The following SIRT6 variants were observed in gnomAD, a reference collection of about 807,000 sequenced individuals.
SIRT6 encodes the protein NAD-dependent protein deacylase sirtuin-6.
Under a neutral mutation model 33.6 loss-of-function variants are expected in SIRT6, and 21 were observed. The observed-to-expected ratio is 0.62, with a 90% confidence interval of 0.44 to 0.90. The LOEUF is 0.90. Among genes scored for constraint, SIRT6 ranks in the 40% least tolerant of loss-of-function variants. The pLI, the probability that SIRT6 is intolerant of heterozygous loss-of-function variation, is 0.00. For synonymous variants in SIRT6, 221 were observed against 223.9 expected (o/e 0.99, Z 0.12); for missense variants, 504 against 510.6 (o/e 0.99, Z 0.12).
chr19:4,177,934 G>T (rs914678614), intron 3 of SIRT6, among the ~76,000 whole-genome samples: 3 of 151,574 alleles, frequency 2.0e-5, no homozygotes, highest in Non-Finnish European at 4.4e-5. Flanking sequence ...CCATGTGGCC[G>T]GGATGGTCTC....
chr19:4,174,672 C>T lies in SIRT6; in HGVS notation c.1013G>A (p.Ser338Asn). The change falls in exon 8 of 8, where the codon AGC (serine) becomes AAC (asparagine). Residue 338 changes from serine to asparagine, a missense_variant. Transcript: ENST00000337491. This position sits in a 1 kb window ranked among gnomAD's most constrained non-coding sequence, Gnocchi z 4.2. Reference sequence around the variant, plus strand: ...TTTGGGGGGTCTGTGGGGGGCAGGGCTGGTGGGCCGCTCCCGTTTGGGGCT... The same window carrying T: ...TTTGGGGGGTCTGTGGGGGGCAGGGTTGGTGGGCCGCTCCCGTTTGGGGCT... ...PASPKRERPT[S>N]PAPHRPPKRV... 1 of 1,459,710 alleles carries T rather than the reference C, an allele frequency of 6.9e-7. No individual in the cohort carries two copies. Among genetic ancestry groups the T allele is most frequent in the Non-Finnish European group, 9.1e-7 (1 of 1,104,150 alleles). The allele number at this position is 1,459,710 out of a possible 1,614,324, so 90.4% of individuals were successfully genotyped here.
chr19:4,178,999 G>A, intron 3 of SIRT6, 105 bp downstream of exon 3: 2 of 1,416,562 alleles, frequency 1.4e-6, no homozygotes, highest in South Asian at 1.3e-5. Context: ...AAGAACTCAG[G>A]GCTAGAATCT....
intron 2 of SIRT6, among the ~76,000 whole-genome samples, chr19:4,179,988 G>C (rs1396523745): frequency 6.6e-6 from 1 of 151,990 alleles, no homozygotes; most frequent in Non-Finnish European, 1.5e-5. Flanking sequence ...GGGGCAGGAA[G>C]GGCTTCAGCT....
At chr19:4,182,365 T>G in intron 1 of SIRT6, 109 bp downstream of exon 1, 27 of 1,111,836 alleles carry the variant, frequency 2.4e-5, no homozygotes, top group East Asian at 5.9e-5. Context: ...GTCCCTCCCA[T>G]TGTCTAGCCT....
rs1599359351 is a variant in SIRT6 at position 4,176,059 on chromosome 19, C to G, written c.438-122G>C. Reference sequence around the variant, plus strand: ...GGTGGACAGGTGACCAGAACTAGCACCCAGCGACACGGAACGAGTAGCCTT... The same window carrying G: ...GGTGGACAGGTGACCAGAACTAGCAGCCAGCGACACGGAACGAGTAGCCTT... On this transcript the variant is annotated intron_variant, in intron 4 of 7. Transcript: ENST00000337491. The G allele has an allele frequency of 3.2e-5, 24 of 742,046 alleles. No individual in the cohort carries two copies. In the South Asian group the frequency reaches 4.2e-4, roughly 13 times the overall value. The allele number at this position is 742,046 out of a possible 1,614,324, so 46.0% of individuals were successfully genotyped here. A position where few individuals can be genotyped will look rare whatever the true frequency, so the allele number is the denominator to read the frequency against.
chr19:4,177,598 T>C (rs1368676859), intron 3 of SIRT6, among the ~76,000 whole-genome samples: 3 of 152,172 alleles, frequency 2.0e-5, no homozygotes, highest in Non-Finnish European at 2.9e-5. Flanking sequence ...TTTGCTCTTG[T>C]TGCCCAGGTT....
intron 1 of SIRT6, chr19:4,182,182 A>G (rs886967131): frequency 1.7e-5 from 7 of 410,346 alleles, no homozygotes; most frequent in Admixed American, 4.5e-5. Context: ...TCCCAGGCCT[A>G]ATCGTTCTCC....
intron 2 of SIRT6, among the ~76,000 whole-genome samples, chr19:4,180,094 T>A (rs909709431): frequency 2.3e-3 from 15 of 6,628 alleles, no homozygotes; most frequent in Non-Finnish European, 4.5e-3. Flanking sequence ...ACGCCTTGGC[T>A]TTTTTTTTTT....
intron 3 of SIRT6, among the ~76,000 whole-genome samples, chr19:4,178,305 G>A (rs1225389317): frequency 6.6e-6 from 1 of 152,014 alleles, no homozygotes; most frequent in African/African-American, 2.4e-5. Context: ...GATTACAGAT[G>A]TGAGCCACCA....
intron 3 of SIRT6, 22 bp downstream of exon 3, chr19:4,179,082 G>T: frequency 6.2e-7 from 1 of 1,609,346 alleles, no homozygotes; most frequent in Non-Finnish European, 8.5e-7. Context: ...GCTCTTTTGT[G>T]GGGGCGGGGC....
chr19:4,175,873 C>CG lies in SIRT6; in HGVS notation c.501dup (p.Val168ArgfsTer3), dbSNP rs1967271237. 6.4e-7 allele frequency: 1 copy of CG among 1,566,070 alleles called. No individual in the cohort carries two copies. The highest frequency in any genetic ancestry group is 2.4e-5 in the East Asian group (1 of 42,458). On this transcript the variant is annotated frameshift_variant, in exon 5 of 8. Coordinates refer to ENST00000337491, the MANE Select transcript of SIRT6 (RefSeq NM_016539.4). LOFTEE classifies it high-confidence loss of function. ...GCTCGCAGCCCCCTTGCCTTAGCCA[C>CG]GGTGCAGAGCCGGCCCGTGGCCTTC... is the stretch of plus-strand genomic sequence containing the variant.
intron 2 of SIRT6, chr19:4,179,576 T>G (rs551219908): frequency 2.2e-5 from 10 of 450,076 alleles, no homozygotes; most frequent in East Asian, 7.7e-5. Flanking sequence ...GAGAGAGAGA[T>G]GAATTCACAC....
rs188775798 is a variant in SIRT6 at position 4,174,559 on chromosome 19, C to T, written c.*58G>A. The T allele has an allele frequency of 5.1e-5, 70 of 1,362,846 alleles. No individual in the cohort carries two copies. Among genetic ancestry groups the T allele is most frequent in the Non-Finnish European group, 5.9e-5 (61 of 1,037,660 alleles). The allele number at this position is 1,362,846 out of a possible 1,614,324, so 84.4% of individuals were successfully genotyped here. A position where few individuals can be genotyped will look rare whatever the true frequency, so the allele number is the denominator to read the frequency against. ...AGAAACAAGTAACAAAGTGAGACCA[C>T]GAGAGAAAAAGAATCCACAGTTTCT... On this transcript the variant is annotated 3_prime_UTR_variant, in exon 8 of 8. Transcript: ENST00000337491. This position sits in a 1 kb window ranked among gnomAD's most constrained non-coding sequence, Gnocchi z 4.2.
Position 4,174,258 on chromosome 19 carries a change from G to A in SIRT6, c.*359C>T. ...CCTCCTGCAGGGCCCATGGAGGAGG[G>A]GTAGGGTGGGCTGTAGGGGGCCCAG... On this transcript the variant is annotated 3_prime_UTR_variant, in exon 8 of 8. Transcript: ENST00000337491. This position sits in a 1 kb window ranked among gnomAD's most constrained non-coding sequence, Gnocchi z 4.2. The A allele has an allele frequency of 5.0e-6, 1 of 200,870 alleles. No individual in the cohort carries two copies. Among genetic ancestry groups the A allele is most frequent in the Non-Finnish European group, 1.0e-5 (1 of 100,342 alleles). The allele number at this position is 200,870 out of a possible 1,614,324, so 12.4% of individuals were successfully genotyped here.
At position 4,174,860 on chromosome 19, in the gene SIRT6, G is replaced by T. The variant is rs760425867; in HGVS notation, c.825C>A (p.Ala275=). 6.2e-7 allele frequency: 1 copy of T among 1,600,260 alleles called. No homozygotes were observed. Among genetic ancestry groups the T allele is most frequent in the South Asian group, 1.1e-5 (1 of 90,790 alleles). Residue 275 remains alanine (A), a synonymous_variant, in exon 8 of 8, where the codon GCC becomes GCA. Coordinates refer to ENST00000337491, the MANE Select transcript of SIRT6 (RefSeq NM_016539.4). The surrounding 1 kb of genome is among the most constrained non-coding windows in gnomAD (Gnocchi z 4.2). The stretch of plus-strand genomic sequence containing the variant: ...TCTCCAGCACACGGGGGCCGTCCCA[G>T]GCGGGGATCTCCAGCCCCAGGTGCT... The part of the protein sequence containing the change: ...LMKHLGLEIP[A]WDGPRVLERA...
chr19:4,179,198 G>A lies in SIRT6; in HGVS notation c.283C>T (p.His95Tyr). 6.2e-7 allele frequency: 1 copy of A among 1,612,066 alleles called. No individual in the cohort carries two copies. The highest frequency in any genetic ancestry group is 1.1e-5 in the South Asian group (1 of 90,668). Residue 95 changes from histidine to tyrosine, a missense_variant, in exon 3 of 8, where the codon CAC (histidine) becomes TAC (tyrosine). By Grantham distance (83) the His-to-Tyr change is moderately conservative. Coordinates refer to ENST00000337491, the MANE Select transcript of SIRT6 (RefSeq NM_016539.4). ...TFESARPTQT[H>Y]MALVQLERVG... is the part of the protein sequence containing the mutation. ...CGCTCCAGCTGCACCAGCGCCATGTGGGTCTGCGTGGGCCGCGCGCTCTCA... is the reference window on the plus strand; with the variant it reads ...CGCTCCAGCTGCACCAGCGCCATGTAGGTCTGCGTGGGCCGCGCGCTCTCA...
In SIRT6 at chr19:4,175,854, AGCCCCCTT is replaced by A. The variant is rs1394665348; in HGVS notation, c.513_520del (p.Arg172AlafsTer28). ...GGGGGTGGCTCACCTGCAGGCTCGC[AGCCCCCTT>A]GCCTTAGCCACGGTGCAGAGCCGGC... On this transcript the variant is annotated frameshift_variant, in exon 5 of 8. Coordinates refer to ENST00000337491, the MANE Select transcript of SIRT6 (RefSeq NM_016539.4). LOFTEE classifies it high-confidence loss of function. The A allele has an allele frequency of 6.4e-7, 1 of 1,560,756 alleles. No individual in the cohort carries two copies. Among genetic ancestry groups the A allele is most frequent in the Non-Finnish European group, 8.7e-7 (1 of 1,152,550 alleles).
intron 3 of SIRT6, among the ~76,000 whole-genome samples, chr19:4,178,151 C>T (rs186575318): frequency 1.3e-5 from 2 of 151,428 alleles, no homozygotes; most frequent in Admixed American, 6.6e-5. Context: ...CTCAGCCTCC[C>T]GAGTAGCTGG....
chr19:4,178,244 C>T (rs1967420747), intron 3 of SIRT6, among the ~76,000 whole-genome samples: 1 of 151,886 alleles, frequency 6.6e-6, no homozygotes, highest in African/African-American at 2.4e-5. Context: ...CCAGGCTGGT[C>T]TCGAACTCTT....
Sources: allele counts gnomAD v4.1 joint callset (sites outside exome capture counted in the v4.1 genomes callset), GRCh38; gene constraint gnomAD v4.1.1; non-coding constraint Gnocchi (gnomAD v3.1); transcripts MANE v1.5; gene names NCBI Gene and HGNC (gene_info 2026-07-23, HGNC 2026-07-21).